RPL11: variants seen among roughly 807,000 people sequenced by gnomAD.
RPL11 encodes the protein ribosomal protein L11.
RPL11 carries 3 observed loss-of-function variants against 24.1 expected under a neutral mutation model. That is an observed-to-expected ratio of 0.12 (90% CI 0.06 to 0.32). The LOEUF (loss-of-function observed/expected upper bound fraction) is 0.32, where lower values mean the gene tolerates loss of function less well. Among genes scored for constraint, RPL11 ranks in the 10% least tolerant of loss-of-function variants. The probability of loss-of-function intolerance (pLI) is 1.00; values close to 1 mark genes in which losing one functional copy is unlikely to be tolerated. For missense variants in RPL11, 146 were observed against 225.7 expected, an observed-to-expected ratio of 0.65 and a Z score of 2.26; for synonymous variants, 96 against 75.7, an observed-to-expected ratio of 1.27 and a Z score of -1.39.
chr1:23,696,808 G>A lies in RPL11; in HGVS notation c.*435G>A. ...AGGAATGACAGGCTTTGGTGTGATG[G>A]TTGAGATTAAATTTAGACTTAACTG... On this transcript the variant is annotated 3_prime_UTR_variant, in exon 6 of 6. Coordinates refer to ENST00000643754, the MANE Select transcript of RPL11 (RefSeq NM_000975.5). The A allele has an allele frequency of 4.2e-6, 1 of 236,272 alleles. No individual in the cohort carries two copies. Among genetic ancestry groups the A allele is most frequent in the South Asian group, 6.2e-5 (1 of 16,190 alleles). 14.6% of individuals were successfully genotyped at this position (236,272 alleles called of 1,614,324 possible).
Position 23,695,876 on chromosome 1 carries a change from A to G in RPL11, c.475A>G (p.Lys159Glu), listed in dbSNP as rs1644530075. The change falls in exon 5 of 6, where the codon AAA becomes GAA. Residue 159 changes from lysine to glutamate, a missense_variant. Physicochemically the swap from Lys to Glu is moderately conservative, Grantham distance 56 (BLOSUM62 1). Coordinates refer to ENST00000643754, the MANE Select transcript of RPL11 (RefSeq NM_000975.5). ...CATTGGGGCCAAACACAGAATCAGC[A>G]AAGAGGAGGCCATGCGCTGGTTCCA... ...GCIGAKHRIS[K>E]EEAMRWFQQK... The G allele has an allele frequency of 6.3e-7, 1 of 1,596,124 alleles. No homozygotes were observed. Among genetic ancestry groups the G allele is most frequent in the Non-Finnish European group, 8.5e-7 (1 of 1,171,176 alleles).
chr1:23,692,890 C>T, intron 2 of RPL11, 131 bp downstream of exon 2: 1 of 1,083,686 alleles, frequency 9.2e-7, no homozygotes, highest in Non-Finnish European at 1.3e-6. Flanking sequence ...ATGAGCCGGC[C>T]AAGAGGTGTC....
At chr1:23,696,073 A>T in intron 5 of RPL11, 165 bp downstream of exon 5, 1 of 787,116 alleles carries the variant, frequency 1.3e-6, no homozygotes, top group Non-Finnish European at 2.2e-6. Flanking sequence ...GGTTTAAAAG[A>T]ACATCCAGAA....
Position 23,696,686 on chromosome 1 carries a change from T to A in RPL11, c.*313T>A, listed in dbSNP as rs941280406. ...TTGGGGTTTGAATTTAGAGCCTTGGTTAAGCAGGGTGCAGTGCTCCTGTGT... is the reference window on the plus strand; with the variant it reads ...TTGGGGTTTGAATTTAGAGCCTTGGATAAGCAGGGTGCAGTGCTCCTGTGT... On this transcript the variant is annotated 3_prime_UTR_variant, in exon 6 of 6. Transcript: ENST00000643754. 7 of 461,540 alleles carry A rather than the reference T, an allele frequency of 1.5e-5. No homozygotes were observed. The highest frequency in any genetic ancestry group is 2.4e-5 in the Non-Finnish European group (6 of 251,032). The allele number at this position is 461,540 out of a possible 1,614,324, so 28.6% of individuals were successfully genotyped here.
rs747503276 is a variant in RPL11 at position 23,691,851 on chromosome 1, T to G, written c.6+22T>G. 2.7e-5 allele frequency: 43 copies of G among 1,614,088 alleles called. No individual in the cohort carries two copies. In the South Asian group the frequency reaches 4.5e-4, roughly 17 times the overall value. ...GGCGGTGAGTAGCTGGGACCTGGAT[T>G]TGCTTTCCTTTATCCGTCGCCATCC... On this transcript the variant is annotated intron_variant, in intron 1 of 5. Transcript: ENST00000643754.
chr1:23,694,923 C>G (rs894333024), intron 4 of RPL11, 132 bp downstream of exon 4: 1 of 1,418,924 alleles, frequency 7.0e-7, no homozygotes. Flanking sequence ...TCTCCTCCCC[C>G]TTGGGGAAAT....
At chr1:23,694,814 C>T (rs373100789) in intron 4 of RPL11, 23 bp downstream of exon 4, 63 of 1,613,950 alleles carry the variant, frequency 3.9e-5, no homozygotes, top group Middle Eastern at 1.6e-4. Context: ...AATCTTTTCC[C>T]GCTCCTGGTC....
At chr1:23,692,459 G>A in intron 1 of RPL11, 150 bp from the exon 2 acceptor site, 1 of 946,852 alleles carries the variant, frequency 1.1e-6, no homozygotes, top group South Asian at 1.5e-5. Flanking sequence ...TTCTTCCCTT[G>A]ATGTCCCCTA....
intron 1 of RPL11, 136 bp from the exon 2 acceptor site, chr1:23,692,473 A>G (rs1570566379): frequency 4.4e-6 from 5 of 1,143,514 alleles, no homozygotes; most frequent in South Asian, 1.3e-5. Flanking sequence ...TCCCCTAAAC[A>G]TTATACCTTT....
rs777693669 is a variant in RPL11 at position 23,692,701 on chromosome 1, G to A, written c.99G>A (p.Leu33=). The A allele has an allele frequency of 2.5e-6, 4 of 1,613,998 alleles. No individual in the cohort carries two copies. The highest frequency in any genetic ancestry group is 2.5e-6 in the Non-Finnish European group (3 of 1,180,040). ...NICVGESGDR[L]TRAAKVLEQL... ...GTGTTGGGGAGAGTGGAGACAGACT[G>A]ACGCGAGCAGCCAAGGTGTTGGAGC... The change falls in exon 2 of 6, where the codon CTG becomes CTA. Residue 33 remains leucine (L), a synonymous_variant. Transcript: ENST00000643754.
chr1:23,692,454 C>T, intron 1 of RPL11, 155 bp from the exon 2 acceptor site: 2 of 893,540 alleles, frequency 2.2e-6, no homozygotes, highest in South Asian at 3.0e-5. Flanking sequence ...CTGTCTTCTT[C>T]CCTTGATGTC....
intron 4 of RPL11, chr1:23,695,157 C>T (rs1268456899): frequency 3.3e-5 from 12 of 360,822 alleles, no homozygotes; most frequent in Non-Finnish European, 5.9e-5. Context: ...CTGTTCTCCC[C>T]CTGGTTCTTC....
intron 1 of RPL11, chr1:23,692,078 G>A (rs1644503515): frequency 1.7e-6 from 1 of 598,244 alleles, no homozygotes; most frequent in Non-Finnish European, 3.0e-6. Flanking sequence ...GGCTGCAGCG[G>A]GGGCAGATGG....
At position 23,691,820 on chromosome 1, in the gene RPL11, C is replaced by A. The variant is rs1308591872; in HGVS notation, c.-4C>A. ...AGCTCCGCTTTCTCTTCCTGCTCTC[C>A]ATCATGGCGGTGAGTAGCTGGGACC... On this transcript the variant is annotated 5_prime_UTR_variant, in exon 1 of 6. Coordinates refer to ENST00000643754, the MANE Select transcript of RPL11 (RefSeq NM_000975.5). The A allele has an allele frequency of 1.9e-6, 3 of 1,614,264 alleles. No homozygotes were observed. In the Admixed American group the frequency reaches 5.0e-5, roughly 27 times the overall value.
chr1:23,692,279 C>A (rs944309523), intron 1 of RPL11: 27 of 423,374 alleles, frequency 6.4e-5, no homozygotes, highest in Middle Eastern at 7.0e-4. Flanking sequence ...CAATTAAGTT[C>A]TGTTTCTTCG....
intron 3 of RPL11, 112 bp downstream of exon 3, chr1:23,694,025 A>C: frequency 1.2e-6 from 1 of 840,268 alleles, no homozygotes; most frequent in Admixed American, 2.0e-5. Context: ...TATTTACTTA[A>C]GCTTCTAAAA....
Position 23,693,688 on chromosome 1 carries a change from TAAAAG to T in RPL11, c.158-117_158-113del, listed in dbSNP as rs1412634095. The T allele has an allele frequency of 5.1e-5, 37 of 732,264 alleles. No homozygotes were observed. The South Asian group carries it at 5.1e-4, about 10-fold the overall frequency. The allele number at this position is 732,264 out of a possible 1,614,324, so 45.4% of individuals were successfully genotyped here. A position where few individuals can be genotyped will look rare whatever the true frequency, so the allele number is the denominator to read the frequency against. On this transcript the variant is annotated intron_variant, in intron 2 of 5. Transcript: ENST00000643754. The stretch of plus-strand genomic sequence containing the variant: ...AGACACTAATTAGAACACCACAACT[TAAAAG>T]AGTGTGGATGAATGCTTAATGTCTC...
chr1:23,692,563 G>A, intron 1 of RPL11, 46 bp from the exon 2 acceptor site: 2 of 1,612,890 alleles, frequency 1.2e-6, no homozygotes, highest in Non-Finnish European at 1.7e-6. Context: ...TAAAACTCAG[G>A]GCCCTCAGCT....
At chr1:23,694,633 A>G in intron 3 of RPL11, 27 bp from the exon 4 acceptor site, 1 of 1,613,332 alleles carries the variant, frequency 6.2e-7, no homozygotes, top group South Asian at 1.1e-5. Context: ...ATGACAAGGA[A>G]TGTTATTGCT....
Sources: allele counts gnomAD v4.1 joint callset, GRCh38; gene constraint gnomAD v4.1.1; transcripts MANE v1.5; gene names NCBI Gene and HGNC (gene_info 2026-07-23, HGNC 2026-07-21).